SP1: variants seen among roughly 807,000 people sequenced by gnomAD.
SP1 encodes transcription factor Sp1.
SP1 carries 6 observed loss-of-function variants against 66.3 expected under a neutral mutation model. The observed-to-expected ratio is 0.09, with a 90% CI of 0.05 to 0.18. The LOEUF (loss-of-function observed/expected upper bound fraction) is 0.18. Ranked by LOEUF, SP1 falls within the 10% of genes least tolerant of loss-of-function variation. The pLI is 1.00. For missense variants in SP1, 848 were observed against 964.5 expected (o/e 0.88, Z 1.60); for synonymous variants, 417 against 360.8 (o/e 1.16, Z -1.77).
At position 53,382,301 on chromosome 12, in the gene SP1, T is replaced by A. The variant is rs748935281; in HGVS notation, c.354T>A (p.Pro118=). The A allele has an allele frequency of 6.2e-7, 1 of 1,614,158 alleles. No individual in the cohort carries two copies. The highest frequency in any genetic ancestry group is 8.5e-7 in the Non-Finnish European group (1 of 1,180,010). The change falls in exon 3 of 6, where the codon CCT becomes CCA. Residue 118 remains proline, a synonymous_variant. Coordinates refer to ENST00000327443, the MANE Select transcript of SP1 (RefSeq NM_138473.3). ...QIISSSSGAT[P]TSKEQSGSST... ...TCTCTTCCTCCTCTGGGGCTACCCC[T>A]ACCTCAAAGGAACAGAGTGGCAGCA...
rs780285735 is a variant in SP1, at chr12:53,411,069, G to A, written c.2187G>A (p.Gly729=). 5.6e-6 allele frequency: 9 copies of A among 1,614,092 alleles called. No individual in the cohort carries two copies. The African/African-American group carries it at 1.2e-4, about 22-fold the overall frequency. ...TGGGCACTTTGCCCCTGGACAGTGG[G>A]GCAGGTTCAGAAGGCAGTGGCACTG... ...LSVGTLPLDS[G]AGSEGSGTAT... is the part of the protein sequence containing the mutation. Residue 729 remains glycine (G), a synonymous_variant, in exon 6 of 6, where the codon GGG becomes GGA. Coordinates refer to ENST00000327443, the MANE Select transcript of SP1 (RefSeq NM_138473.3).
intron 3 of SP1, among the ~76,000 whole-genome samples, chr12:53,398,490 C>T (rs1938538676): frequency 6.6e-6 from 1 of 152,180 alleles, no homozygotes; most frequent in East Asian, 1.9e-4. Flanking sequence ...ACCATGTTGG[C>T]CAGGCTTGTC....
At chr12:53,403,908 AC>A (rs1938668256) in intron 3 of SP1, among the ~76,000 whole-genome samples, 1 of 151,896 alleles carries the variant, frequency 6.6e-6, no homozygotes, top group Non-Finnish European at 1.5e-5. Context: ...ACGGTGGCTC[AC>A]GCCTGTAATC....
chr12:53,406,555 C>T lies in SP1; in HGVS notation c.1676-30C>T, dbSNP rs532993226. The T allele has an allele frequency of 3.8e-5, 61 of 1,607,374 alleles. No homozygotes were observed. The Admixed American group carries it at 8.7e-4, about 23-fold the overall frequency. On this transcript the variant is annotated intron_variant, in intron 3 of 5. Transcript: ENST00000327443. The stretch of plus-strand genomic sequence containing the variant: ...TGCCAGTGATAACCTGCCCATGTCA[C>T]ATGTTGACCCTTTTCTCTCTTAATT...
chr12:53,380,581 C>G (rs1218611164), intron 1 of SP1: 6 of 938,176 alleles, frequency 6.4e-6, no homozygotes, highest in Non-Finnish European at 7.8e-6. Flanking sequence ...CCCCACTACT[C>G]GGCCGCCCGC....
In SP1 at chr12:53,391,160, A is replaced by G. The variant is rs551966167; in HGVS notation, c.1675+7538A>G. Among the ~76,000 whole-genome samples, 15 of 152,234 alleles carry G rather than the reference A, an allele frequency of 9.9e-5. No individual in the cohort carries two copies. The South Asian group carries it at 2.7e-3, about 27-fold the overall frequency. ...ACATTATTTTTCATATTTCTTACAG[A>G]AAGTGTTACAATAGTATTATTATCC... On this transcript the variant is annotated intron_variant, in intron 3 of 5. Transcript: ENST00000327443.
chr12:53,386,757 G>A (rs1010569696), intron 3 of SP1, among the ~76,000 whole-genome samples: 2 of 152,008 alleles, frequency 1.3e-5, no homozygotes, highest in South Asian at 2.1e-4. Context: ...CCAAACTGCT[G>A]GGATTACAGG....
rs756527226 is a variant in SP1, at chr12:53,383,607, A to G, written c.1660A>G (p.Ile554Val). The stretch of plus-strand genomic sequence containing the variant: ...CCCAATTCAAGGCCTGCCGTTGGCT[A>G]TAGCAAATGCCCCAGGTAAGATTTC... Reference protein sequence around the residue: ...VHPIQGLPLAIANAPGDHGAQ... With the variant: ...VHPIQGLPLAVANAPGDHGAQ... The change falls in exon 3 of 6, where the codon ATA becomes GTA. Residue 554 changes from isoleucine to valine, a missense_variant. This residue lies in a region of SP1 where 606 missense variants were observed against 589.9 expected (regional missense o/e 1.03). Transcript: ENST00000327443. 3.7e-6 allele frequency: 6 copies of G among 1,606,468 alleles called. No homozygotes were observed. The African/African-American group carries it at 6.7e-5, about 18-fold the overall frequency.
chr12:53,402,371 G>GGC (rs1938625237), intron 3 of SP1, among the ~76,000 whole-genome samples: 2 of 151,880 alleles, frequency 1.3e-5, no homozygotes, highest in Non-Finnish European at 2.9e-5. Context: ...CTACAGGCAT[G>GGC]CGCCACCATG....
intron 3 of SP1, among the ~76,000 whole-genome samples, chr12:53,402,637 G>A (rs936891332): frequency 3.3e-5 from 5 of 149,806 alleles, no homozygotes; most frequent in Non-Finnish European, 7.4e-5. Context: ...TCAGGAGTTT[G>A]AGACCAGCCT....
At chr12:53,395,685 A>T (rs1938472452) in intron 3 of SP1, among the ~76,000 whole-genome samples, 1 of 151,890 alleles carries the variant, frequency 6.6e-6, no homozygotes, top group Non-Finnish European at 1.5e-5. Context: ...GGTTGCTGCT[A>T]GGCCGGGCAC....
At position 53,380,179 on chromosome 12, in the gene SP1, C is replaced by A. The variant is rs1223634354; in HGVS notation, c.-113C>A. On this transcript the variant is annotated 5_prime_UTR_variant, in exon 1 of 6. Transcript: ENST00000327443. ...GGCGCGCTGCTCCCTCCTCCTTACC[C>A]CCCCCTCCCTGTCCGGTCCGGGTTC... The A allele has an allele frequency of 5.4e-6, 4 of 747,052 alleles. No individual in the cohort carries two copies. Among genetic ancestry groups the A allele is most frequent in the Admixed American group, 4.0e-5 (2 of 49,612 alleles). The allele number at this position is 747,052 out of a possible 1,614,324, so 46.3% of individuals were successfully genotyped here.
At position 53,382,340 on chromosome 12, in the gene SP1, C is replaced by T. The variant is rs767409275; in HGVS notation, c.393C>T (p.Ser131=). The T allele has an allele frequency of 6.2e-7, 1 of 1,614,096 alleles. No individual in the cohort carries two copies. The highest frequency in any genetic ancestry group is 8.5e-7 in the Non-Finnish European group (1 of 1,180,044). Residue 131 remains serine, a synonymous_variant, in exon 3 of 6, where the codon AGC becomes AGT. Coordinates refer to ENST00000327443, the MANE Select transcript of SP1 (RefSeq NM_138473.3). The part of the protein sequence containing the change: ...KEQSGSSTNG[S]NGSESSKNRT... Reference sequence around the variant, plus strand: ...AGAGTGGCAGCAGTACCAATGGCAGCAATGGCAGTGAGTCTTCCAAGAATC... The same window carrying T: ...AGAGTGGCAGCAGTACCAATGGCAGTAATGGCAGTGAGTCTTCCAAGAATC...
At chr12:53,409,237 G>A in intron 4 of SP1, 125 bp from the exon 5 acceptor site, 1 of 773,128 alleles carries the variant, frequency 1.3e-6, no homozygotes, top group Non-Finnish European at 2.1e-6. Context: ...AAACAAAAAA[G>A]AAGACTTTTT....
chr12:53,409,654 T>G, intron 5 of SP1, 93 bp downstream of exon 5: 1 of 1,084,424 alleles, frequency 9.2e-7, no homozygotes, highest in Non-Finnish European at 1.4e-6. Context: ...TCTGAGCAAC[T>G]TAATTTGAAA....
At chr12:53,394,646 G>A (rs1321533646) in intron 3 of SP1, among the ~76,000 whole-genome samples, 1 of 114,948 alleles carries the variant, frequency 8.7e-6, no homozygotes, top group Non-Finnish European at 1.6e-5. Context: ...ACGCAGTCTC[G>A]CTCTGTTGTC....
rs1396327036 is a variant in SP1, at chr12:53,413,751, C to G, written c.*2511C>G. On this transcript the variant is annotated 3_prime_UTR_variant, in exon 6 of 6. Coordinates refer to ENST00000327443, the MANE Select transcript of SP1 (RefSeq NM_138473.3). ...TGTACAGTATTTTGCTAGTGCATTT[C>G]AAGGAATGGAATCTTCTCCAGTATG... is the stretch of plus-strand genomic sequence containing the variant. 1 of 152,406 alleles carries G rather than the reference C, an allele frequency of 6.6e-6. No individual in the cohort carries two copies. Among genetic ancestry groups the G allele is most frequent in the Non-Finnish European group, 1.5e-5 (1 of 68,032 alleles). The allele number at this position is 152,406 out of a possible 1,614,324, so 9.4% of individuals were successfully genotyped here. A position where few individuals can be genotyped will look rare whatever the true frequency, so the allele number is the denominator to read the frequency against.
intron 4 of SP1, among the ~76,000 whole-genome samples, chr12:53,407,449 C>G (rs889788734): frequency 6.7e-6 from 1 of 148,754 alleles, no homozygotes; most frequent in African/African-American, 2.5e-5. Context: ...CTCAGTCTCC[C>G]GAGTAGCTGG....
rs1420843730 is a variant in SP1 at position 53,416,421 on chromosome 12, C to G, written c.*5181C>G. Reference sequence around the variant, plus strand: ...GTAGTCTGTAGCCTCCTTTGTAAACCAATTAAAAAGTTTTTTAATAAAAAA... The same window carrying G: ...GTAGTCTGTAGCCTCCTTTGTAAACGAATTAAAAAGTTTTTTAATAAAAAA... On this transcript the variant is annotated 3_prime_UTR_variant, in exon 6 of 6. Transcript: ENST00000327443. 2.0e-5 allele frequency: 3 copies of G among 150,590 alleles called. No individual in the cohort carries two copies. The highest frequency in any genetic ancestry group is 1.5e-5 in the Non-Finnish European group (1 of 67,782). 9.3% of individuals were successfully genotyped at this position (150,590 alleles called of 1,614,324 possible). A position where few individuals can be genotyped will look rare whatever the true frequency, so the allele number is the denominator to read the frequency against.
Sources: gnomAD v4.1 joint callset for allele counts (sites outside exome capture counted in the v4.1 genomes callset) on GRCh38, gnomAD v4.1.1 for gene constraint, gnomAD v4.1.1 regional missense constraint, MANE v1.5 for transcripts, NCBI Gene and HGNC (gene_info 2026-07-23, HGNC 2026-07-21) for gene names.